NSD1: variants seen among roughly 807,000 people sequenced by gnomAD.
The protein encoded by NSD1 is histone-lysine N-methyltransferase, H3 lysine-36 specific.
A neutral mutation model predicts 242.7 loss-of-function variants in NSD1; 26 were observed. The ratio of observed to expected loss-of-function variants is 0.11; its 90% CI spans 0.08 to 0.15. The LOEUF (loss-of-function observed/expected upper bound fraction) is 0.15. NSD1 is among the 10% of genes least tolerant of loss of function. NSD1 has a pLI of 1.00. For synonymous variants in NSD1, 1,106 were observed against 1,178.1 expected, an observed-to-expected ratio of 0.94 and a Z score of 1.25; for missense variants, 2,495 against 3,272.8, an observed-to-expected ratio of 0.76 and a Z score of 5.80.
chr5:177,281,562 A>T (rs1032773736), intron 18 of NSD1, among the ~76,000 whole-genome samples: 1 of 152,184 alleles, frequency 6.6e-6, no homozygotes, highest in African/African-American at 2.4e-5. Context: ...AGAAATATTG[A>T]ACAAATCATC....
At chr5:177,249,414 A>G (rs1755721840) in intron 11 of NSD1, among the ~76,000 whole-genome samples, 1 of 151,830 alleles carries the variant, frequency 6.6e-6, no homozygotes, top group East Asian at 1.9e-4. Flanking sequence ...TAAACAAAAA[A>G]CTTGAGGATG....
At chr5:177,275,435 CTT>C (rs749631943) in intron 17 of NSD1, among the ~76,000 whole-genome samples, 1,031 of 49,906 alleles carry the variant, frequency 0.021, 3 homozygotes, top group Middle Eastern at 0.033. Context: ...CTTCCCTTGT[CTT>C]TTTTTTTTTT....
intron 2 of NSD1, among the ~76,000 whole-genome samples, chr5:177,144,602 C>A (rs1757083704): frequency 6.6e-6 from 1 of 151,940 alleles, no homozygotes; most frequent in Admixed American, 6.6e-5. Context: ...GCAGGTTGTC[C>A]TTTGTTCTAG....
At chr5:177,162,534 C>T (rs1374062534) in intron 2 of NSD1, among the ~76,000 whole-genome samples, 1 of 152,024 alleles carries the variant, frequency 6.6e-6, no homozygotes, top group African/African-American at 2.4e-5. Context: ...TAGTTGGAAC[C>T]ACAGGCATGT....
At position 177,269,668 on chromosome 5, in the gene NSD1, T is replaced by A. The variant is rs1757799075; in HGVS notation, c.5370T>A (p.Asp1790Glu). ...VPSNIDKMRH[D>E]VGEFPVLFFG... ...CCAACATTGATAAGATGAGACATGA[T>A]GTGGGAGAGTTCCCAGTCCTCTTTT... Residue 1790 changes from aspartate (D) to glutamate (E), a missense_variant, in exon 16 of 23, where the codon GAT becomes GAA. Physicochemically the swap from Asp to Glu is conservative, Grantham distance 45. Around this residue, in one of 19 missense-constraint regions of NSD1, gnomAD observed 0 missense variants for 18.7 expected, o/e 0.00. Coordinates refer to ENST00000439151, the MANE Select transcript of NSD1 (RefSeq NM_022455.5). This position sits in a 1 kb window ranked among gnomAD's most constrained non-coding sequence, Gnocchi z 5.1. 6.2e-7 allele frequency: 1 copy of A among 1,613,998 alleles called. No homozygotes were observed. The highest frequency in any genetic ancestry group is 8.5e-7 in the Non-Finnish European group (1 of 1,180,016).
At chr5:177,138,069 C>CT (rs1170106365) in intron 2 of NSD1, among the ~76,000 whole-genome samples, 1 of 148,620 alleles carries the variant, frequency 6.7e-6, no homozygotes, top group East Asian at 2.0e-4. Flanking sequence ...GAGTGAAACT[C>CT]TGTCTCAAAA....
In NSD1 at chr5:177,244,412, T is replaced by A. The variant is rs890644387; in HGVS notation, c.4378+142T>A. On this transcript the variant is annotated intron_variant, in intron 9 of 22. Coordinates refer to ENST00000439151, the MANE Select transcript of NSD1 (RefSeq NM_022455.5). ...ACTGGTTTGCCCAAAATCTGCTTCCTGAAAAAGAAAAAATATTGATAAATT... is the reference window on the plus strand; with the variant it reads ...ACTGGTTTGCCCAAAATCTGCTTCCAGAAAAAGAAAAAATATTGATAAATT... 2.5e-5 allele frequency: 17 copies of A among 670,390 alleles called. No homozygotes were observed. The African/African-American group carries it at 2.9e-4, about 11-fold the overall frequency. The allele number at this position is 670,390 out of a possible 1,614,324, so 41.5% of individuals were successfully genotyped here.
chr5:177,286,789 G>A (rs1759369401), intron 20 of NSD1, among the ~76,000 whole-genome samples: 1 of 152,192 alleles, frequency 6.6e-6, no homozygotes, highest in Non-Finnish European at 1.5e-5. Flanking sequence ...TGTCCATGGG[G>A]ATGCCCTCCT....
intron 13 of NSD1, among the ~76,000 whole-genome samples, chr5:177,259,713 T>C (rs1756832175): frequency 6.6e-6 from 1 of 152,168 alleles, no homozygotes. Flanking sequence ...TGGGGCTGAT[T>C]TCCTAGTTGT....
chr5:177,291,798 G>A (rs897418425), intron 21 of NSD1, among the ~76,000 whole-genome samples, 156 bp from the exon 22 acceptor site: 1 of 152,102 alleles, frequency 6.6e-6, no homozygotes, highest in Non-Finnish European at 1.5e-5. Context: ...TTATTGCTAC[G>A]TATCTGTGAT....
chr5:177,219,774 C>T (rs748094431), intron 5 of NSD1, among the ~76,000 whole-genome samples: 1 of 152,036 alleles, frequency 6.6e-6, no homozygotes, highest in African/African-American at 2.4e-5. Context: ...CCAGCATGGC[C>T]AACATGGCAA....
At chr5:177,266,473 T>C (rs2149928881) in intron 14 of NSD1, 2 of 622,028 alleles carry the variant, frequency 3.2e-6, no homozygotes, top group East Asian at 6.8e-5. Context: ...GAAGTGGGCG[T>C]AGGAGTCAAA....
intron 5 of NSD1, chr5:177,229,953 AG>A (rs1764931025): frequency 6.1e-6 from 1 of 164,020 alleles, no homozygotes; most frequent in African/African-American, 2.4e-5. Context: ...CATGTTGGCC[AG>A]GCTGGTCTCA....
chr5:177,289,827 G>T (rs1759637193), intron 21 of NSD1, among the ~76,000 whole-genome samples: 2 of 145,702 alleles, frequency 1.4e-5, no homozygotes, highest in African/African-American at 2.7e-5. Context: ...TGTTGTTGTT[G>T]TTTTGTGTTT....
chr5:177,265,192 G>A (rs987401680), intron 14 of NSD1: 4 of 780,430 alleles, frequency 5.1e-6, no homozygotes, highest in Admixed American at 1.7e-5. Flanking sequence ...AGAACCAATG[G>A]GAAGGAGTCT....
intron 4 of NSD1, 102 bp downstream of exon 4, chr5:177,204,394 C>T (rs1762726898): frequency 5.3e-6 from 6 of 1,127,658 alleles, no homozygotes; most frequent in Non-Finnish European, 7.8e-6. Flanking sequence ...TGCTCTGTTT[C>T]CCAGATTGGA....
chr5:177,252,795 CCCT>C (rs1300254730), intron 12 of NSD1, among the ~76,000 whole-genome samples: 36 of 127,540 alleles, frequency 2.8e-4, no homozygotes, highest in Middle Eastern at 4.0e-3. Context: ...CTCTCTCTCT[CCCT>C]TTTTTTTTTT....
intron 2 of NSD1, among the ~76,000 whole-genome samples, chr5:177,161,525 T>C (rs1324074169): frequency 6.6e-6 from 1 of 152,096 alleles, no homozygotes; most frequent in African/African-American, 2.4e-5. Flanking sequence ...GGTCTTACTA[T>C]TTTGCCCAGG....
chr5:177,137,717 C>G (rs1308909269), intron 2 of NSD1, among the ~76,000 whole-genome samples: 1 of 151,912 alleles, frequency 6.6e-6, no homozygotes, highest in Admixed American at 6.6e-5. Flanking sequence ...AGATGTTTCT[C>G]TAGAAGCATA....
Sources: gnomAD v4.1 joint callset for allele counts (sites outside exome capture counted in the v4.1 genomes callset) on GRCh38, gnomAD v4.1.1 for gene constraint, gnomAD v4.1.1 regional missense constraint, Gnocchi (gnomAD v3.1) non-coding constraint, MANE v1.5 for transcripts, NCBI Gene and HGNC (gene_info 2026-07-23, HGNC 2026-07-21) for gene names.